The following ESYT2 variants were observed in gnomAD, a reference collection of about 807,000 sequenced individuals.
ESYT2 encodes extended synaptotagmin 2.
Under a neutral mutation model 107.2 loss-of-function variants are expected in ESYT2, and 54 were observed. That is an observed-to-expected ratio of 0.50 (90% confidence interval 0.40 to 0.63). ESYT2 has a LOEUF of 0.63. Ranked by LOEUF, ESYT2 falls within the 30% of genes least tolerant of loss-of-function variation. ESYT2 has a pLI of 0.00. For missense variants in ESYT2, 1,020 were observed against 1,094.5 expected (o/e 0.93, Z 0.96); for synonymous variants, 491 against 434.1 (o/e 1.13, Z -1.63).
intron 13 of ESYT2, among the ~76,000 whole-genome samples, chr7:158,753,846 C>A (rs1376939125): frequency 6.6e-6 from 1 of 152,040 alleles, no homozygotes; most frequent in Non-Finnish European, 1.5e-5. Context: ...GGCTCATATA[C>A]AATGAGGATG....
rs1422286709 is a variant in ESYT2 at position 158,749,669 on chromosome 7, G to A, written c.1537C>T (p.His513Tyr). 10 of 1,613,944 alleles carry A rather than the reference G, an allele frequency of 6.2e-6. No individual in the cohort carries two copies. Among genetic ancestry groups the A allele is most frequent in the Non-Finnish European group, 5.9e-6 (7 of 1,180,008 alleles). The change falls in exon 15 of 23, where the codon CAC (histidine) becomes TAC (tyrosine). Residue 513 changes from histidine (H) to tyrosine (Y), a missense_variant. Physicochemically the swap from His to Tyr is moderately conservative, Grantham distance 83. Coordinates refer to ENST00000275418, the MANE Select transcript of ESYT2 (RefSeq NM_001367773.1). ...CTTACCTTGCTCTCCTGGGCCTTGT[G>A]CCCAACTGACATCTGGACAACAGGA... ...PNPVVQMSVG[H>Y]KAQESKIRYK...
intron 4 of ESYT2, among the ~76,000 whole-genome samples, chr7:158,790,455 AGGAC>A (rs140579870): frequency 0.16 from 23,654 of 152,090 alleles, 2,410 homozygotes; most frequent in South Asian, 0.31. Context: ...ATGAGGATGA[AGGAC>A]AAGAGAAGCC....
At chr7:158,822,609 A>G (rs775926161) in intron 1 of ESYT2, among the ~76,000 whole-genome samples, 11 of 152,128 alleles carry the variant, frequency 7.2e-5, no homozygotes, top group Middle Eastern at 6.8e-3. Flanking sequence ...CTACAAGTAT[A>G]AAAAATGTTC....
chr7:158,755,835 G>A (rs1837735478), intron 13 of ESYT2, among the ~76,000 whole-genome samples: 1 of 152,078 alleles, frequency 6.6e-6, no homozygotes, highest in Non-Finnish European at 1.5e-5. Context: ...CTTGGACACA[G>A]GGCGGGGAAC....
intron 6 of ESYT2, among the ~76,000 whole-genome samples, chr7:158,774,874 C>T (rs959471005): frequency 2.6e-5 from 4 of 152,154 alleles, no homozygotes; most frequent in African/African-American, 4.8e-5. Flanking sequence ...GACACAGGGG[C>T]CACATGAACT....
chr7:158,784,728 A>G (rs1291668723), intron 6 of ESYT2, among the ~76,000 whole-genome samples: 1 of 152,220 alleles, frequency 6.6e-6, no homozygotes, highest in East Asian at 1.9e-4. Flanking sequence ...ATTTGCTTAA[A>G]GCACATCAAT....
intron 4 of ESYT2, among the ~76,000 whole-genome samples, chr7:158,790,418 G>A (rs1158712970): frequency 1.3e-5 from 2 of 151,938 alleles, no homozygotes; most frequent in East Asian, 3.9e-4. Flanking sequence ...ACGTGGAGCA[G>A]GAAGCCCTGA....
In ESYT2 at chr7:158,741,579, G is replaced by A. The variant is rs748896101; in HGVS notation, c.2112C>T (p.Asp704=). The A allele has an allele frequency of 4.4e-6, 7 of 1,609,118 alleles. No individual in the cohort carries two copies. Among genetic ancestry groups the A allele is most frequent in the Non-Finnish European group, 5.9e-6 (7 of 1,179,804 alleles). ...VKEPTPSIAS[D]ISLPIATQEL... is the part of the protein sequence containing the mutation. Reference sequence around the variant, plus strand: ...CCTGGGTGGCGATGGGCAGCGAGATGTCCGAGGCGATGCTGGGGGTCGGCT... The same window carrying A: ...CCTGGGTGGCGATGGGCAGCGAGATATCCGAGGCGATGCTGGGGGTCGGCT... The change falls in exon 18 of 23, where the codon GAC becomes GAT. Residue 704 remains aspartate, a synonymous_variant. Coordinates refer to ENST00000275418, the MANE Select transcript of ESYT2 (RefSeq NM_001367773.1).
intron 14 of ESYT2, 86 bp downstream of exon 14, chr7:158,752,695 A>T: frequency 1.1e-6 from 1 of 872,198 alleles, no homozygotes; most frequent in Non-Finnish European, 1.6e-6. Flanking sequence ...TATGGGAGGT[A>T]ATTTGCCAAT....
chr7:158,791,021 G>A (rs774790073), intron 4 of ESYT2, among the ~76,000 whole-genome samples: 1 of 152,042 alleles, frequency 6.6e-6, no homozygotes. Context: ...CATCCATAAC[G>A]TGCAACCATC....
intron 1 of ESYT2, among the ~76,000 whole-genome samples, chr7:158,821,804 T>C (rs1840292210): frequency 6.6e-6 from 1 of 152,168 alleles, no homozygotes; most frequent in Non-Finnish European, 1.5e-5. Flanking sequence ...GGCCCAGAAA[T>C]CTGCCTTTGC....
intron 16 of ESYT2, 189 bp from the exon 17 acceptor site, chr7:158,743,867 G>A (rs901510402): frequency 1.5e-5 from 8 of 537,608 alleles, no homozygotes; most frequent in Middle Eastern, 4.5e-4. Flanking sequence ...GAGGCCAGGG[G>A]TTCGAGACCA....
At chr7:158,748,373 A>T in intron 15 of ESYT2, 93 bp from the exon 16 acceptor site, 1 of 1,059,728 alleles carries the variant, frequency 9.4e-7, no homozygotes, top group Non-Finnish European at 1.4e-6. Flanking sequence ...GAAAAATAAA[A>T]AGAAAATAAA....
At chr7:158,826,892 C>T (rs113573143) in intron 1 of ESYT2, among the ~76,000 whole-genome samples, 3,186 of 150,758 alleles carry the variant, frequency 0.021, 110 homozygotes, top group African/African-American at 0.072. Flanking sequence ...TGGCCGGGCG[C>T]GGTGGCTCAC....
chr7:158,748,050 C>G (rs113009740), intron 16 of ESYT2, 144 bp downstream of exon 16: 12 of 682,896 alleles, frequency 1.8e-5, no homozygotes, highest in Admixed American at 5.4e-5. Flanking sequence ...CTAGGGGAGG[C>G]CCGGGTTACA....
At chr7:158,796,329 GTAT>G (rs10549248) in intron 3 of ESYT2, among the ~76,000 whole-genome samples, 19,364 of 152,154 alleles carry the variant, frequency 0.13, 1,377 homozygotes, top group African/African-American at 0.2. Context: ...ATGAAAGGTG[GTAT>G]TAGGAAGTAT....
chr7:158,742,181 A>C (rs1837235975), intron 17 of ESYT2, among the ~76,000 whole-genome samples: 1 of 152,066 alleles, frequency 6.6e-6, no homozygotes, highest in South Asian at 2.1e-4. Flanking sequence ...GCCTCAAGAG[A>C]TCCTCCCGCC....
At chr7:158,828,719 C>A (rs941068286) in intron 1 of ESYT2, among the ~76,000 whole-genome samples, 17 of 152,108 alleles carry the variant, frequency 1.1e-4, no homozygotes, top group South Asian at 2.1e-4. Flanking sequence ...GGCGGCGGCC[C>A]CAGGCGGACA....
chr7:158,757,071 C>T (rs902494529), intron 13 of ESYT2, among the ~76,000 whole-genome samples: 1 of 151,598 alleles, frequency 6.6e-6, no homozygotes, highest in Non-Finnish European at 1.5e-5. Flanking sequence ...TTTTTTTCAA[C>T]GAGCCAGTAG....
Sources: allele counts gnomAD v4.1 joint callset (sites outside exome capture counted in the v4.1 genomes callset), GRCh38; gene constraint gnomAD v4.1.1; transcripts MANE v1.5; gene names NCBI Gene and HGNC (gene_info 2026-07-23, HGNC 2026-07-21).